Variants in OLA1 observed in about 807,000 individuals in gnomAD.
The protein encoded by OLA1 is Obg like ATPase 1.
A neutral mutation model predicts 48.4 loss-of-function variants in OLA1; 14 were observed. The observed-to-expected ratio is 0.29, with a 90% CI of 0.19 to 0.45. The LOEUF (loss-of-function observed/expected upper bound fraction) is 0.45. Ranked by LOEUF, OLA1 falls within the 20% of genes least tolerant of loss-of-function variation. The probability of loss-of-function intolerance (pLI) is 1.00; values close to 1 mark genes in which losing one functional copy is unlikely to be tolerated. For synonymous variants in OLA1, 127 were observed against 150.4 expected (o/e 0.84, Z 1.14); for missense variants, 325 against 467.1 (o/e 0.70, Z 2.80).
At chr2:174,147,980 T>C (rs549395355) in intron 4 of OLA1, among the ~76,000 whole-genome samples, 2 of 152,188 alleles carry the variant, frequency 1.3e-5, no homozygotes, top group Non-Finnish European at 2.9e-5. Flanking sequence ...CGTGCCACCA[T>C]GTGTGGCTTT....
chr2:174,226,401 G>A (rs891750770), intron 3 of OLA1, among the ~76,000 whole-genome samples: 6 of 151,710 alleles, frequency 4.0e-5, no homozygotes, highest in African/African-American at 1.2e-4. Context: ...TAGAACTCTC[G>A]AGACTAAAAT....
intron 3 of OLA1, among the ~76,000 whole-genome samples, chr2:174,227,195 G>A (rs1019694054): frequency 2.6e-5 from 4 of 151,876 alleles, no homozygotes; most frequent in South Asian, 2.1e-4. Flanking sequence ...GCTTGAGGCC[G>A]ACAGTTCAAG....
At chr2:174,134,888 GT>G (rs1309520699) in intron 5 of OLA1, among the ~76,000 whole-genome samples, 3 of 152,204 alleles carry the variant, frequency 2.0e-5, no homozygotes, top group African/African-American at 7.2e-5. Flanking sequence ...GGGGCCGGGC[GT>G]GGTGGCTCAT....
At chr2:174,089,762 C>T (rs1158889390) in intron 7 of OLA1, among the ~76,000 whole-genome samples, 1 of 151,788 alleles carries the variant, frequency 6.6e-6, no homozygotes, top group Non-Finnish European at 1.5e-5. Flanking sequence ...ATTATCCAGG[C>T]ATGGTAGCCC....
At chr2:174,110,552 C>A (rs1186573043) in intron 7 of OLA1, among the ~76,000 whole-genome samples, 1 of 151,792 alleles carries the variant, frequency 6.6e-6, no homozygotes, top group Non-Finnish European at 1.5e-5. Flanking sequence ...TCAAGCAATC[C>A]TTCCACCTCA....
At chr2:174,229,168 C>G in intron 3 of OLA1, 140 bp downstream of exon 3, 1 of 854,792 alleles carries the variant, frequency 1.2e-6, no homozygotes, top group Non-Finnish European at 1.8e-6. Context: ...GCCACCGCAC[C>G]CAGCCCTCTG....
chr2:174,211,173 T>A (rs916614887), intron 4 of OLA1, among the ~76,000 whole-genome samples: 9 of 124,838 alleles, frequency 7.2e-5, no homozygotes, highest in Admixed American at 6.1e-4. Context: ...CCCTTCCTCC[T>A]CCCCACAACA....
intron 2 of OLA1, among the ~76,000 whole-genome samples, chr2:174,232,057 C>T (rs1272484194): frequency 6.6e-6 from 1 of 151,928 alleles, no homozygotes; most frequent in Non-Finnish European, 1.5e-5. Flanking sequence ...TTCTCTCATG[C>T]AAGAATGGGT....
At chr2:174,224,813 T>C (rs1195972259) in intron 3 of OLA1, among the ~76,000 whole-genome samples, 5 of 151,928 alleles carry the variant, frequency 3.3e-5, no homozygotes, top group African/African-American at 7.3e-5. Flanking sequence ...ATAAAGTAAA[T>C]TGAAGAGGGG....
At chr2:174,112,943 A>C (rs1685689275) in intron 7 of OLA1, among the ~76,000 whole-genome samples, 1 of 151,994 alleles carries the variant, frequency 6.6e-6, no homozygotes, top group Non-Finnish European at 1.5e-5. Context: ...AAGAATTATT[A>C]TTATTACTAT....
At chr2:174,229,516 C>T (rs1688683587) in intron 2 of OLA1, 65 bp from the exon 3 acceptor site, 11 of 1,186,450 alleles carry the variant, frequency 9.3e-6, no homozygotes, top group Non-Finnish European at 1.2e-5. Context: ...TTATCTCACT[C>T]TAATTTCAAT....
intron 4 of OLA1, among the ~76,000 whole-genome samples, chr2:174,181,669 A>C (rs1558992789): frequency 1.3e-5 from 2 of 152,146 alleles, no homozygotes; most frequent in Non-Finnish European, 2.9e-5. Flanking sequence ...AGCAGGCCTC[A>C]CTCAGCTTCA....
At chr2:174,247,838 C>T in intron 1 of OLA1, 1 of 1,516,018 alleles carries the variant, frequency 6.6e-7, no homozygotes, top group Non-Finnish European at 8.9e-7. Flanking sequence ...CTGTCCCTTA[C>T]TAGTTCTGTC....
chr2:174,082,239 T>C (rs1048414611), intron 7 of OLA1, among the ~76,000 whole-genome samples, 175 bp from the exon 8 acceptor site: 1 of 152,160 alleles, frequency 6.6e-6, no homozygotes, highest in African/African-American at 2.4e-5. Context: ...GCTTCAGGTA[T>C]ACGCCATAGT....
chr2:174,212,135 T>C (rs1003820384), intron 4 of OLA1, among the ~76,000 whole-genome samples: 3 of 152,162 alleles, frequency 2.0e-5, no homozygotes, highest in Admixed American at 6.5e-5. Context: ...GTGAACATCA[T>C]AGAGGGTACT....
chr2:174,246,537 C>G (rs953738539), intron 2 of OLA1, among the ~76,000 whole-genome samples, 178 bp downstream of exon 2: 1 of 152,130 alleles, frequency 6.6e-6, no homozygotes, highest in Non-Finnish European at 1.5e-5. Flanking sequence ...CATAGCCAAC[C>G]AGCACTGAAA....
At chr2:174,147,012 C>A (rs1287775667) in intron 4 of OLA1, among the ~76,000 whole-genome samples, 1 of 152,098 alleles carries the variant, frequency 6.6e-6, no homozygotes, top group African/African-American at 2.4e-5. Flanking sequence ...GTATACTTGA[C>A]CAACTGCAGG....
intron 4 of OLA1, among the ~76,000 whole-genome samples, chr2:174,203,146 G>A (rs1574548326): frequency 6.6e-6 from 1 of 151,994 alleles, no homozygotes; most frequent in Non-Finnish European, 1.5e-5. Context: ...ATCCTTCTAC[G>A]TAAATATTCA....
chr2:174,232,695 A>G (rs1308100862), intron 2 of OLA1, among the ~76,000 whole-genome samples: 1 of 152,232 alleles, frequency 6.6e-6, no homozygotes, highest in East Asian at 1.9e-4. Flanking sequence ...GGCCACTATC[A>G]AAAAAACAAG....
Sources: allele counts gnomAD v4.1 joint callset (sites outside exome capture counted in the v4.1 genomes callset), GRCh38; gene constraint gnomAD v4.1.1; transcripts MANE v1.5; gene names NCBI Gene and HGNC (gene_info 2026-07-23, HGNC 2026-07-21).